Variants in RASSF1 observed in about 807,000 individuals in gnomAD.
The protein encoded by RASSF1 is ras association domain-containing protein 1.
A neutral mutation model predicts 34.3 loss-of-function variants in RASSF1; 33 were observed. The ratio of observed to expected loss-of-function variants is 0.96; its 90% confidence interval spans 0.73 to 1.29. RASSF1 has a LOEUF of 1.29. Among genes scored for constraint, RASSF1 ranks in the 50% most tolerant of loss-of-function variants. RASSF1 has a pLI of 0.00. For synonymous variants in RASSF1, 191 were observed against 195.0 expected, an observed-to-expected ratio of 0.98 and a Z score of 0.17; for missense variants, 445 against 471.8, an observed-to-expected ratio of 0.94 and a Z score of 0.53.
rs140805123 is a variant in RASSF1 at position 50,331,411 on chromosome 3, G to A, written c.799C>T (p.Arg267Trp). The A allele has an allele frequency of 2.2e-4, 351 of 1,604,134 alleles. No individual in the cohort carries two copies. Among genetic ancestry groups the A allele is most frequent in the Non-Finnish European group, 2.8e-4 (330 of 1,173,804 alleles). The change falls in exon 5 of 6, where the codon CGG becomes TGG. Residue 267 changes from arginine (R) to tryptophan (W), a missense_variant. Transcript: ENST00000359365. ...CTGGGCCCTGCCAGGAGCCGCAGCC[G>A]CAGGGGCTGCTCATCATCCAACAGC... ...RKLLDDEQPL[R>W]LRLLAGPSDK...
At position 50,330,556 on chromosome 3, in the gene RASSF1, G is replaced by C. The variant is rs782610031; in HGVS notation, c.*25C>G. ...ACGCACTTGGCGCTGCCTGCTGTCT[G>C]CCTTCCACCTGGGGGTACAAGAGGT... On this transcript the variant is annotated 3_prime_UTR_variant, in exon 6 of 6. Transcript: ENST00000359365. This position sits in a 1 kb window ranked among gnomAD's most constrained non-coding sequence, Gnocchi z 4.5. 6.2e-7 allele frequency: 1 copy of C among 1,613,074 alleles called. No individual in the cohort carries two copies. Among genetic ancestry groups the C allele is most frequent in the Non-Finnish European group, 8.5e-7 (1 of 1,179,642 alleles).
chr3:50,340,703 C>T lies in RASSF1; in HGVS notation c.103G>A (p.Ala35Thr). ...RLERANALRIARGTACNPTRQ... is the reference protein window; with the variant it reads ...RLERANALRITRGTACNPTRQ... ...GTGGGGTTGCACGCGGTGCCCCGCG[C>T]GATGCGCAGCGCGTTGGCACGCTCC... Residue 35 changes from alanine to threonine, a missense_variant, in exon 1 of 6, where the codon GCG (alanine) becomes ACG (threonine). By Grantham distance (58) the Ala-to-Thr change is moderately conservative (BLOSUM62 0). Transcript: ENST00000359365. 6.5e-7 allele frequency: 1 copy of T among 1,528,240 alleles called. No homozygotes were observed. The highest frequency in any genetic ancestry group is 8.7e-7 in the Non-Finnish European group (1 of 1,147,952). 94.7% of individuals were successfully genotyped at this position (1,528,240 alleles called of 1,614,324 possible). A position where few individuals can be genotyped will look rare whatever the true frequency, so the allele number is the denominator to read the frequency against.
chr3:50,334,763 A>G (rs1378313736), intron 2 of RASSF1, among the ~76,000 whole-genome samples: 1 of 152,078 alleles, frequency 6.6e-6, no homozygotes, highest in African/African-American at 2.4e-5. Context: ...CAGAAAACAG[A>G]CTTGGATTAG....
At chr3:50,338,921 C>T (rs1302269717) in intron 1 of RASSF1, among the ~76,000 whole-genome samples, 1 of 152,200 alleles carries the variant, frequency 6.6e-6, no homozygotes, top group Non-Finnish European at 1.5e-5. Flanking sequence ...TTTCCTCCTA[C>T]CCCCTGCAGC....
At position 50,340,633 on chromosome 3, in the gene RASSF1, C is replaced by T; in HGVS notation, c.173G>A (p.Gly58Glu). The T allele has an allele frequency of 2.6e-6, 4 of 1,526,882 alleles. No homozygotes were observed. Among genetic ancestry groups the T allele is most frequent in the South Asian group, 1.2e-5 (1 of 83,134 alleles). 94.6% of individuals were successfully genotyped at this position (1,526,882 alleles called of 1,614,324 possible). The change falls in exon 1 of 6, where the codon GGG (glycine) becomes GAG (glutamate). Residue 58 changes from glycine (G) to glutamate (E), a missense_variant. Coordinates refer to ENST00000359365, the MANE Select transcript of RASSF1 (RefSeq NM_007182.5). ...GTCGCACCACGTGTGCGTGGCGGGC[C>T]CCGCGGGCTGGAAGCGGTGGCCACG... ...PGRGHRFQPAGPATHTWCDLC... is the reference protein window; with the variant it reads ...PGRGHRFQPAEPATHTWCDLC...
intron 1 of RASSF1, among the ~76,000 whole-genome samples, chr3:50,338,754 C>T (rs1316754223): frequency 6.6e-6 from 1 of 152,190 alleles, no homozygotes; most frequent in Admixed American, 6.5e-5. Context: ...CCCACTCCAG[C>T]CAGGCTTGCC....
chr3:50,334,947 A>C (rs1328339396), intron 2 of RASSF1, among the ~76,000 whole-genome samples: 1 of 150,218 alleles, frequency 6.7e-6, no homozygotes, highest in African/African-American at 2.4e-5. Flanking sequence ...ACTGTCCATA[A>C]AAACTGATGG....
chr3:50,332,339 AG>A (rs1351046569), intron 2 of RASSF1, among the ~76,000 whole-genome samples, 185 bp from the exon 3 acceptor site: 1 of 152,226 alleles, frequency 6.6e-6, no homozygotes, highest in Non-Finnish European at 1.5e-5. Flanking sequence ...TGGGTGGATA[AG>A]GGAAAGACAG....
In RASSF1 at chr3:50,337,345, C is replaced by T; in HGVS notation, c.357+560G>A. On this transcript the variant is annotated intron_variant, in intron 2 of 5. Coordinates refer to ENST00000359365, the MANE Select transcript of RASSF1 (RefSeq NM_007182.5). Reference sequence around the variant, plus strand: ...AGCCGTACCCGCCCGTCCCCCAGTCCTGCGCGTCCGTAGCCGCCAACCACC... The same window carrying T: ...AGCCGTACCCGCCCGTCCCCCAGTCTTGCGCGTCCGTAGCCGCCAACCACC... 5.6e-6 allele frequency: 9 copies of T among 1,606,922 alleles called. No individual in the cohort carries two copies. In the South Asian group the frequency reaches 9.9e-5, roughly 18 times the overall value.
intron 2 of RASSF1, chr3:50,337,203 G>A: frequency 6.2e-7 from 1 of 1,612,714 alleles, no homozygotes. Flanking sequence ...GAGCTAGCGA[G>A]GTTCGCGCGG....
Position 50,331,460 on chromosome 3 carries a change from G to A in RASSF1, c.761-11C>T. 6.4e-7 allele frequency: 1 copy of A among 1,574,418 alleles called. No homozygotes were observed. The highest frequency in any genetic ancestry group is 1.1e-5 in the South Asian group (1 of 88,652). On this transcript the variant is annotated splice_polypyrimidine_tract_variant and intron_variant, in intron 4 of 5. Coordinates refer to ENST00000359365, the MANE Select transcript of RASSF1 (RefSeq NM_007182.5). ...GCTTCCGCAAGTACACTGTGAAGGGGAAGTAATGATCAGAGACAGGGCCAG... is the reference window on the plus strand; with the variant it reads ...GCTTCCGCAAGTACACTGTGAAGGGAAAGTAATGATCAGAGACAGGGCCAG...
At chr3:50,337,515 G>A (rs1703195931) in intron 2 of RASSF1, 2 of 1,521,112 alleles carry the variant, frequency 1.3e-6, no homozygotes, top group Non-Finnish European at 1.8e-6. Context: ...GCGGGGACAC[G>A]CACGCTTCGC....
intron 2 of RASSF1, among the ~76,000 whole-genome samples, chr3:50,333,455 T>C (rs587647116): frequency 6.6e-6 from 1 of 152,102 alleles, no homozygotes; most frequent in African/African-American, 2.4e-5. Context: ...CACCTGCCTG[T>C]GCTGTCTGGA....
chr3:50,334,814 GTTTC>G (rs1345432422), intron 2 of RASSF1, among the ~76,000 whole-genome samples: 1 of 152,160 alleles, frequency 6.6e-6, no homozygotes, highest in Non-Finnish European at 1.5e-5. Context: ...AGGAGGAAGA[GTTTC>G]TTTTTCTGTT....
At chr3:50,331,929 G>T (rs1702960673) in intron 3 of RASSF1, 73 bp from the exon 4 acceptor site, 1 of 1,555,340 alleles carries the variant, frequency 6.4e-7, no homozygotes. Context: ...GGCTAGGCTG[G>T]GTATGCACAA....
At chr3:50,337,048 C>T (rs1204220410) in intron 2 of RASSF1, 2 of 1,279,036 alleles carry the variant, frequency 1.6e-6, no homozygotes, top group Non-Finnish European at 2.1e-6. Flanking sequence ...GGCCAGGACC[C>T]GCGGGGAGCC....
intron 2 of RASSF1, chr3:50,337,111 G>A: frequency 6.7e-7 from 1 of 1,500,170 alleles, no homozygotes; most frequent in Non-Finnish European, 8.9e-7. Flanking sequence ...GCAACGGACC[G>A]GGGAGGGCGG....
rs1180605835 is a variant in RASSF1 at position 50,332,077 on chromosome 3, C to A, written c.435G>T (p.Gln145His). 6.2e-7 allele frequency: 1 copy of A among 1,614,048 alleles called. No individual in the cohort carries two copies. The highest frequency in any genetic ancestry group is 8.5e-7 in the Non-Finnish European group (1 of 1,180,034). The part of the protein sequence containing the change: ...IEQKIKEYNA[Q>H]INSNLFMSLN... The stretch of plus-strand genomic sequence containing the variant: ...AGCTCATGAAGAGGTTGCTGTTGAT[C>A]TGGGCATTGTACTCCTTGATCTTCT... The change falls in exon 3 of 6, where the codon CAG becomes CAT. Residue 145 changes from glutamine (Q) to histidine (H), a missense_variant. Physicochemically the swap from Gln to His is conservative, Grantham distance 24. Transcript: ENST00000359365.
At chr3:50,339,086 G>A (rs1044394766) in intron 1 of RASSF1, among the ~76,000 whole-genome samples, 5 of 152,156 alleles carry the variant, frequency 3.3e-5, no homozygotes, top group African/African-American at 1.2e-4. Flanking sequence ...GATCCTCCGT[G>A]CCAGTACCTT....
Sources: allele counts gnomAD v4.1 joint callset (sites outside exome capture counted in the v4.1 genomes callset), GRCh38; gene constraint gnomAD v4.1.1; non-coding constraint Gnocchi (gnomAD v3.1); transcripts MANE v1.5; gene names NCBI Gene and HGNC (gene_info 2026-07-23, HGNC 2026-07-21).